CFTR: variants seen among roughly 807,000 people sequenced by gnomAD.
The protein encoded by CFTR is cystic fibrosis transmembrane conductance regulator.
Under a neutral mutation model 171.6 loss-of-function variants are expected in CFTR, and 181 were observed. The ratio of observed to expected loss-of-function variants is 1.05; its 90% CI spans 0.93 to 1.19. The LOEUF is 1.19. CFTR is among the 50% of genes most tolerant of loss of function. CFTR has a pLI of 0.00. For missense variants in CFTR, 1,968 were observed against 1,734.7 expected, an observed-to-expected ratio of 1.13 and a Z score of -2.39; for synonymous variants, 583 against 608.0, an observed-to-expected ratio of 0.96 and a Z score of 0.60.
chr7:117,549,263 T>C (rs1799227964), intron 10 of CFTR, among the ~76,000 whole-genome samples: 1 of 152,182 alleles, frequency 6.6e-6, no homozygotes, highest in African/African-American at 2.4e-5. Flanking sequence ...TAGATTTAGA[T>C]TTGCTTATGA....
At chr7:117,493,285 G>C (rs1178944679) in intron 1 of CFTR, among the ~76,000 whole-genome samples, 1 of 151,920 alleles carries the variant, frequency 6.6e-6, no homozygotes, top group African/African-American at 2.4e-5. Context: ...ATCTATTACT[G>C]TATGTTTTGC....
chr7:117,551,071 C>T (rs1309434844), intron 10 of CFTR, among the ~76,000 whole-genome samples: 1 of 152,150 alleles, frequency 6.6e-6, no homozygotes, highest in African/African-American at 2.4e-5. Flanking sequence ...AATAGTTCTT[C>T]TACTTCTATA....
chr7:117,568,715 C>A (rs951070464), intron 11 of CFTR, among the ~76,000 whole-genome samples: 2 of 152,056 alleles, frequency 1.3e-5, no homozygotes, highest in African/African-American at 4.8e-5. Flanking sequence ...ATTAACATAT[C>A]CATCACTCAC....
At chr7:117,589,717 A>T (rs1791997905) in intron 12 of CFTR, among the ~76,000 whole-genome samples, 1 of 152,074 alleles carries the variant, frequency 6.6e-6, no homozygotes, top group Non-Finnish European at 1.5e-5. Context: ...GACTGAAACT[A>T]CAAGGAACAA....
At chr7:117,481,511 T>G (rs555515295) in intron 1 of CFTR, among the ~76,000 whole-genome samples, 1 of 152,300 alleles carries the variant, frequency 6.6e-6, no homozygotes, top group Non-Finnish European at 1.5e-5. Flanking sequence ...TCAAAGTGGG[T>G]TTTTATATAA....
At chr7:117,501,790 AAAC>A (rs1798336481) in intron 1 of CFTR, among the ~76,000 whole-genome samples, 1 of 151,092 alleles carries the variant, frequency 6.6e-6, no homozygotes, top group African/African-American at 2.4e-5. Context: ...AAAAAAAAAA[AAAC>A]AAAAAGCAAA....
At position 117,634,773 on chromosome 7, in the gene CFTR, T is replaced by C. The variant is rs118140298; in HGVS notation, c.3717+7003T>C. ...TAAAAATTTTCTAGCTATCTTTCTG[T>C]TATTGATTTCTAGTTTAATTCCATT... On this transcript the variant is annotated intron_variant, in intron 22 of 26. Coordinates refer to ENST00000003084, the MANE Select transcript of CFTR (RefSeq NM_000492.4). Among the ~76,000 whole-genome samples, 1,182 of 152,262 alleles carry C rather than the reference T, an allele frequency of 7.8e-3. 5 individuals are homozygous for C. The highest frequency in any genetic ancestry group is 0.012 in the Non-Finnish European group (799 of 67,964).
At chr7:117,483,600 C>T (rs1035972110) in intron 1 of CFTR, among the ~76,000 whole-genome samples, 56 of 152,166 alleles carry the variant, frequency 3.7e-4, no homozygotes, top group Non-Finnish European at 2.9e-4. Context: ...CACTCTGTTG[C>T]CCAGGCTAGA....
chr7:117,642,411 A>T, intron 22 of CFTR, 27 bp from the exon 23 acceptor site: 1 of 1,605,588 alleles, frequency 6.2e-7, no homozygotes, highest in South Asian at 1.1e-5. Flanking sequence ...ATGTCACAGA[A>T]GTGATCCCAT....
rs187875205 is a variant in CFTR, at chr7:117,636,615, T to G, written c.3718-5823T>G. 6.5e-4 allele frequency among the ~76,000 whole-genome samples: 99 copies of G among 152,264 alleles called. 1 individual carries two copies. The highest frequency in any genetic ancestry group is 2.0e-3 in the African/African-American group (85 of 41,554). The stretch of plus-strand genomic sequence containing the variant: ...TCCTTCGCATTTCAGTGTTGGAAGT[T>G]TCTATTGACATATTCTCAACCTCAG... On this transcript the variant is annotated intron_variant, in intron 22 of 26. Transcript: ENST00000003084.
chr7:117,593,582 GT>G (rs563924037), intron 14 of CFTR, among the ~76,000 whole-genome samples: 1 of 152,070 alleles, frequency 6.6e-6, no homozygotes, highest in African/African-American at 2.4e-5. Context: ...TCTATATAGT[GT>G]TTTTTTGTGT....
intron 1 of CFTR, among the ~76,000 whole-genome samples, chr7:117,489,413 A>G (rs1055632551): frequency 1.3e-5 from 2 of 152,124 alleles, no homozygotes; most frequent in Admixed American, 6.6e-5. Flanking sequence ...TGGAAAGGCT[A>G]TTGTTAAATT....
chr7:117,599,046 A>G (rs915745684), intron 15 of CFTR, among the ~76,000 whole-genome samples: 16 of 152,192 alleles, frequency 1.1e-4, no homozygotes, highest in African/African-American at 3.6e-4. Flanking sequence ...AATTCCTTTT[A>G]TACTTTAACA....
At chr7:117,657,221 C>T (rs1209641256) in intron 24 of CFTR, among the ~76,000 whole-genome samples, 1 of 152,000 alleles carries the variant, frequency 6.6e-6, no homozygotes, top group Non-Finnish European at 1.5e-5. Context: ...ATCTTAGAAC[C>T]TGTGGTTATG....
intron 11 of CFTR, among the ~76,000 whole-genome samples, chr7:117,570,867 A>T (rs1441242667): frequency 6.6e-6 from 1 of 152,214 alleles, no homozygotes; most frequent in Non-Finnish European, 1.5e-5. Flanking sequence ...TGAGAATTCT[A>T]TGACATAATT....
intron 3 of CFTR, among the ~76,000 whole-genome samples, chr7:117,521,394 G>T (rs1798683580): frequency 6.6e-6 from 1 of 151,944 alleles, no homozygotes; most frequent in African/African-American, 2.4e-5. Context: ...AATGCATCTA[G>T]ACTTTTATAA....
intron 11 of CFTR, among the ~76,000 whole-genome samples, chr7:117,570,051 A>G (rs1205086856): frequency 6.6e-6 from 1 of 151,906 alleles, no homozygotes; most frequent in Non-Finnish European, 1.5e-5. Context: ...GGACCTCTTC[A>G]TTCTCTCCTC....
At chr7:117,651,490 C>G (rs1180239466) in intron 23 of CFTR, among the ~76,000 whole-genome samples, 1 of 152,100 alleles carries the variant, frequency 6.6e-6, no homozygotes, top group African/African-American at 2.4e-5. Context: ...TCAGAAATTA[C>G]TTTTATTTAC....
At chr7:117,602,946 G>A in intron 16 of CFTR, 83 bp downstream of exon 16, 1 of 1,221,040 alleles carries the variant, frequency 8.2e-7, no homozygotes, top group Non-Finnish European at 1.2e-6. Flanking sequence ...TGTATGTATT[G>A]TAATCCACTT....
Sources: allele counts gnomAD v4.1 joint callset (sites outside exome capture counted in the v4.1 genomes callset), GRCh38; gene constraint gnomAD v4.1.1; transcripts MANE v1.5; gene names NCBI Gene and HGNC (gene_info 2026-07-23, HGNC 2026-07-21).